BMPER: variants seen among roughly 807,000 people sequenced by gnomAD.
The protein encoded by BMPER is BMP-binding endothelial regulator protein.
In BMPER, 45 loss-of-function variants were observed where a neutral mutation model predicts 87.3. The ratio of observed to expected loss-of-function variants is 0.52; its 90% CI spans 0.41 to 0.66. BMPER has a LOEUF of 0.66. Among genes scored for constraint, BMPER ranks in the 30% least tolerant of loss-of-function variants. BMPER has a pLI of 0.00. For synonymous variants in BMPER, 326 were observed against 316.2 expected, an observed-to-expected ratio of 1.03 and a Z score of -0.33; for missense variants, 784 against 867.5, an observed-to-expected ratio of 0.90 and a Z score of 1.21.
chr7:33,923,835 TTATCTTTTCAAACTTTAAA>T (rs1439832356), intron 2 of BMPER, among the ~76,000 whole-genome samples: 1 of 152,236 alleles, frequency 6.6e-6, no homozygotes, highest in African/African-American at 2.4e-5. Context: ...TGGATCTTCC[TTATCTTTTCAAACTTTAAA>T]TATTGGAGGG....
chr7:34,135,352 G>A (rs1790693931), intron 13 of BMPER, among the ~76,000 whole-genome samples: 1 of 152,166 alleles, frequency 6.6e-6, no homozygotes, highest in South Asian at 2.1e-4. Context: ...AGCGCAGGAA[G>A]GTAACTGAAG....
chr7:33,921,107 C>CG (rs1562631001), intron 2 of BMPER, among the ~76,000 whole-genome samples: 3 of 152,188 alleles, frequency 2.0e-5, no homozygotes, highest in Non-Finnish European at 4.4e-5. Flanking sequence ...ATAACCCTTA[C>CG]TCCTCTCTCC....
Position 33,991,923 on chromosome 7 carries a change from G to A in BMPER, c.576+17139G>A, listed in dbSNP as rs879351917. On this transcript the variant is annotated intron_variant, in intron 6 of 14. Transcript: ENST00000649409. Reference sequence around the variant, plus strand: ...TTGTTCAGTTTCCATGTAGTTGAGCGGTTTTGAGTGAGATTCTTAATCCTG... The same window carrying A: ...TTGTTCAGTTTCCATGTAGTTGAGCAGTTTTGAGTGAGATTCTTAATCCTG... Among the ~76,000 whole-genome samples the A allele has an allele frequency of 8.8e-3, 1,225 of 138,474 alleles. 3 individuals are homozygous for A. Among genetic ancestry groups the A allele is most frequent in the Non-Finnish European group, 0.013 (826 of 64,064 alleles). The allele number at this position is 138,474 out of a possible 152,430, so 90.8% of individuals were successfully genotyped here. A position where few individuals can be genotyped will look rare whatever the true frequency, so the allele number is the denominator to read the frequency against.
chr7:33,982,379 A>G (rs1785887779), intron 6 of BMPER, among the ~76,000 whole-genome samples: 1 of 152,226 alleles, frequency 6.6e-6, no homozygotes. Context: ...CAGTTCATCT[A>G]ACTAGTGTGG....
intron 6 of BMPER, 83 bp downstream of exon 6, chr7:33,974,867 A>T: frequency 7.5e-7 from 1 of 1,332,868 alleles, no homozygotes; most frequent in Non-Finnish European, 1.1e-6. Flanking sequence ...CGGTCTCTAC[A>T]GCCTCTCTCT....
At chr7:34,119,396 A>G (rs1790205478) in intron 13 of BMPER, among the ~76,000 whole-genome samples, 1 of 152,218 alleles carries the variant, frequency 6.6e-6, no homozygotes, top group Admixed American at 6.5e-5. Context: ...TTTTCTCCCT[A>G]TAGCACATCA....
intron 11 of BMPER, among the ~76,000 whole-genome samples, chr7:34,075,936 A>G (rs531777597): frequency 6.6e-6 from 1 of 152,316 alleles, no homozygotes; most frequent in Admixed American, 6.5e-5. Context: ...AGGTTTCAAA[A>G]TTATTTTAGT....
chr7:34,086,115 T>C (rs1789199404), intron 13 of BMPER, 23 bp downstream of exon 13: 2 of 1,610,372 alleles, frequency 1.2e-6, no homozygotes, highest in East Asian at 4.5e-5. Context: ...TTCTGGGGAA[T>C]GGTTTTGGGT....
intron 3 of BMPER, among the ~76,000 whole-genome samples, chr7:33,950,957 C>T (rs1391980940): frequency 6.6e-6 from 1 of 152,094 alleles, no homozygotes; most frequent in Non-Finnish European, 1.5e-5. Flanking sequence ...GCCATTCCCT[C>T]TCCTCCTCTG....
chr7:34,105,861 A>G lies in BMPER; in HGVS notation c.1745+19769A>G, dbSNP rs76474920. ...TTTACTGGATCACGGGAATGGAACAATCAGATTTTAGACCCATTTTCCCAA... is the reference window on the plus strand; with the variant it reads ...TTTACTGGATCACGGGAATGGAACAGTCAGATTTTAGACCCATTTTCCCAA... On this transcript the variant is annotated intron_variant, in intron 13 of 14. Coordinates refer to ENST00000649409, the MANE Select transcript of BMPER (RefSeq NM_001365308.1). Among the ~76,000 whole-genome samples the G allele has an allele frequency of 3.7e-3, 559 of 152,280 alleles. 1 individual carries two copies. Among genetic ancestry groups the G allele is most frequent in the African/African-American group, 0.012 (513 of 41,558 alleles).
intron 2 of BMPER, among the ~76,000 whole-genome samples, chr7:33,931,714 T>C (rs1784485289): frequency 6.6e-6 from 1 of 152,202 alleles, no homozygotes; most frequent in Non-Finnish European, 1.5e-5. Flanking sequence ...CTTCCCCTGC[T>C]TCCTCCTCCT....
intron 6 of BMPER, among the ~76,000 whole-genome samples, chr7:34,028,712 T>C (rs1465051740): frequency 6.7e-6 from 1 of 148,452 alleles, no homozygotes; most frequent in Non-Finnish European, 1.5e-5. Flanking sequence ...TCCTCAATCT[T>C]GATGCTTCCA....
chr7:34,006,919 C>T (rs1786749894), intron 6 of BMPER, among the ~76,000 whole-genome samples: 1 of 152,068 alleles, frequency 6.6e-6, no homozygotes, highest in Admixed American at 6.6e-5. Context: ...ATTTGAGGAG[C>T]ACGTCAGGCT....
chr7:34,106,042 G>A (rs1466622207), intron 13 of BMPER, among the ~76,000 whole-genome samples: 1 of 152,138 alleles, frequency 6.6e-6, no homozygotes, highest in Admixed American at 6.5e-5. Flanking sequence ...GCCTTATGCC[G>A]AGTCAGGAGC....
Position 34,034,981 on chromosome 7 carries a change from C to G in BMPER, c.577-11325C>G, listed in dbSNP as rs562673281. On this transcript the variant is annotated intron_variant, in intron 6 of 14. Coordinates refer to ENST00000649409, the MANE Select transcript of BMPER (RefSeq NM_001365308.1). ...TAGCTTTGGCTCATGCTGGGACCCC[C>G]CACCACAGCTGGTGCCAACAGACTG... Among the ~76,000 whole-genome samples, 70 of 152,290 alleles carry G rather than the reference C, an allele frequency of 4.6e-4. 1 individual carries two copies. The South Asian group carries it at 0.014, about 30-fold the overall frequency.
intron 13 of BMPER, among the ~76,000 whole-genome samples, chr7:34,098,241 A>G (rs1015743033): frequency 2.0e-5 from 3 of 152,124 alleles, no homozygotes; most frequent in Non-Finnish European, 4.4e-5. Flanking sequence ...ACTGGATACA[A>G]TGCAGCTTTG....
At chr7:33,998,503 T>C (rs1375667190) in intron 6 of BMPER, among the ~76,000 whole-genome samples, 1 of 152,216 alleles carries the variant, frequency 6.6e-6, no homozygotes, top group Non-Finnish European at 1.5e-5. Flanking sequence ...TGGAAGGGAA[T>C]ACTCTGGAAT....
At chr7:33,962,795 A>G (rs1785304303) in intron 3 of BMPER, among the ~76,000 whole-genome samples, 1 of 151,980 alleles carries the variant, frequency 6.6e-6, no homozygotes, top group Non-Finnish European at 1.5e-5. Context: ...CCTTGTAGGG[A>G]GTTTCTTTTA....
chr7:34,032,088 AGTT>A (rs1009152833), intron 6 of BMPER, among the ~76,000 whole-genome samples: 2 of 150,736 alleles, frequency 1.3e-5, no homozygotes, highest in African/African-American at 4.9e-5. Flanking sequence ...GCTTTACCTC[AGTT>A]GTTCTGTTCT....
Sources: gnomAD v4.1 joint callset for allele counts (sites outside exome capture counted in the v4.1 genomes callset) on GRCh38, gnomAD v4.1.1 for gene constraint, MANE v1.5 for transcripts, NCBI Gene and HGNC (gene_info 2026-07-23, HGNC 2026-07-21) for gene names.